Variants in RAPGEF5 observed in about 807,000 individuals in gnomAD.
RAPGEF5 encodes the protein Rap guanine nucleotide exchange factor 5.
RAPGEF5 carries 65 observed loss-of-function variants against 125.2 expected under a neutral mutation model. The observed-to-expected ratio is 0.52, with a 90% CI of 0.43 to 0.64. The LOEUF is 0.64. RAPGEF5 is among the 30% of genes least tolerant of loss of function. The pLI is 0.00. For synonymous variants in RAPGEF5, 391 were observed against 385.9 expected (o/e 1.01, Z -0.16); for missense variants, 958 against 1,048.1 (o/e 0.91, Z 1.19).
Position 22,181,788 on chromosome 7 carries a change from T to C in RAPGEF5, c.1204+11579A>G, listed in dbSNP as rs1004328103. On this transcript the variant is annotated intron_variant, in intron 11 of 25. Coordinates refer to ENST00000665637, the MANE Select transcript of RAPGEF5 (RefSeq NM_012294.5). ...TGAATGAAAGAAAAGGTTTCAATTG[T>C]AGAGTAAGAAAGCCTGAGGCAGAAA... is the stretch of plus-strand genomic sequence containing the variant. 7.9e-5 allele frequency among the ~76,000 whole-genome samples: 12 copies of C among 152,178 alleles called. No individual in the cohort carries two copies. The South Asian group carries it at 2.3e-3, about 29-fold the overall frequency.
chr7:22,255,116 C>T (rs1351303210), intron 7 of RAPGEF5, among the ~76,000 whole-genome samples: 2 of 152,038 alleles, frequency 1.3e-5, no homozygotes, highest in Non-Finnish European at 2.9e-5. Flanking sequence ...CATATGCCCA[C>T]CCCAAATGCC....
rs1392972113 is a variant in RAPGEF5, at chr7:22,309,991, C to A, written c.489G>T (p.Leu163=). ...SMAIGVWQLL[L]DMGIMLSVDQ... ...AACCTGATAACATAATTCCCATGTC[C>A]AGTAGGAGTTGCCAGACTCCTATGG... The change falls in exon 4 of 26, where the codon CTG becomes CTT. Residue 163 remains leucine (L), a synonymous_variant. Coordinates refer to ENST00000665637, the MANE Select transcript of RAPGEF5 (RefSeq NM_012294.5). The A allele has an allele frequency of 6.3e-7, 1 of 1,590,528 alleles. No individual in the cohort carries two copies. Among genetic ancestry groups the A allele is most frequent in the Admixed American group, 1.8e-5 (1 of 54,424 alleles).
At chr7:22,134,684 A>C (rs1237477639) in intron 23 of RAPGEF5, among the ~76,000 whole-genome samples, 2 of 152,082 alleles carry the variant, frequency 1.3e-5, no homozygotes, top group African/African-American at 4.8e-5. Flanking sequence ...TATTGTCTTT[A>C]TTTGTGTCTA....
Position 22,142,253 on chromosome 7 carries a change from G to A in RAPGEF5, c.2187-2138C>T, listed in dbSNP as rs1165492336. Among the ~76,000 whole-genome samples the A allele has an allele frequency of 4.6e-5, 7 of 152,136 alleles. No individual in the cohort carries two copies. In the East Asian group the frequency reaches 5.8e-4, roughly 13 times the overall value. ...TAGGTTCCTTAAGGCTAGAGTATAC[G>A]TCTAATCATTTTTACATTCTGCCCA... On this transcript the variant is annotated intron_variant, in intron 20 of 25. Coordinates refer to ENST00000665637, the MANE Select transcript of RAPGEF5 (RefSeq NM_012294.5).
chr7:22,145,115 C>T lies in RAPGEF5; in HGVS notation c.2115G>A (p.Thr705=), dbSNP rs372204724. ...RCNEVQLWVA[T]EILLCSQLGK... ...CCAGCTGGCTGCAGAGCAGAATCTC[C>T]GTGGCCACCCAAAGCTGGACCTCAT... The change falls in exon 20 of 26, where the codon ACG becomes ACA. Residue 705 remains threonine (T), a synonymous_variant. Transcript: ENST00000665637. The T allele has an allele frequency of 5.3e-5, 86 of 1,613,870 alleles. 1 individual carries two copies. The highest frequency in any genetic ancestry group is 2.7e-4 in the Admixed American group (16 of 60,004).
chr7:22,254,730 G>T (rs922392447), intron 7 of RAPGEF5, among the ~76,000 whole-genome samples: 27 of 152,104 alleles, frequency 1.8e-4, no homozygotes, highest in Non-Finnish European at 2.9e-5. Context: ...GGAGAGGAAG[G>T]GGGAGATGGG....
rs117906406 is a variant in RAPGEF5 at position 22,192,941 on chromosome 7, G to A, written c.1204+426C>T. 125 of 198,884 alleles carry A rather than the reference G, an allele frequency of 6.3e-4. 2 individuals carry two copies. Among genetic ancestry groups the A allele is most frequent in the Admixed American group, 4.6e-3 (87 of 19,078 alleles). 12.3% of individuals were successfully genotyped at this position (198,884 alleles called of 1,614,324 possible). A position where few individuals can be genotyped will look rare whatever the true frequency, so the allele number is the denominator to read the frequency against. The stretch of plus-strand genomic sequence containing the variant: ...CTAAGCATGTAGCTGCTGAGTAGTT[G>A]CATTAATTGTTGACATTTCAGCACG... On this transcript the variant is annotated intron_variant, in intron 11 of 25. Coordinates refer to ENST00000665637, the MANE Select transcript of RAPGEF5 (RefSeq NM_012294.5).
At chr7:22,126,659 G>A (rs1370660200) in intron 24 of RAPGEF5, among the ~76,000 whole-genome samples, 1 of 152,156 alleles carries the variant, frequency 6.6e-6, no homozygotes, top group East Asian at 1.9e-4. Context: ...TGTCACCCAG[G>A]CTGGAGTGCA....
chr7:22,215,387 A>G (rs537609619), intron 9 of RAPGEF5, among the ~76,000 whole-genome samples: 2 of 152,334 alleles, frequency 1.3e-5, no homozygotes, highest in South Asian at 2.1e-4. Flanking sequence ...CTTCTGCCCT[A>G]TGAAAGAATC....
chr7:22,336,718 G>C (rs1311542985), intron 1 of RAPGEF5, among the ~76,000 whole-genome samples: 1 of 152,168 alleles, frequency 6.6e-6, no homozygotes, highest in East Asian at 1.9e-4. Flanking sequence ...GGTGGAACCT[G>C]GGATTCAATC....
chr7:22,242,947 C>CAAA (rs537954162), intron 7 of RAPGEF5, among the ~76,000 whole-genome samples: 3 of 65,736 alleles, frequency 4.6e-5, no homozygotes, highest in African/African-American at 1.4e-4. Context: ...AACTCCGTCT[C>CAAA]AAAAAAAAAA....
intron 20 of RAPGEF5, among the ~76,000 whole-genome samples, chr7:22,142,439 C>A (rs949000147): frequency 1.3e-5 from 2 of 152,022 alleles, no homozygotes; most frequent in Non-Finnish European, 2.9e-5. Context: ...CTTAGAATTC[C>A]TATCTTTTTA....
chr7:22,209,620 C>A (rs1262748653), intron 9 of RAPGEF5, among the ~76,000 whole-genome samples: 4 of 152,134 alleles, frequency 2.6e-5, no homozygotes, highest in Admixed American at 2.6e-4. Context: ...ACTGAATGAT[C>A]CCATTTATTT....
At chr7:22,154,839 A>G (rs138725578) in intron 16 of RAPGEF5, among the ~76,000 whole-genome samples, 1 of 152,318 alleles carries the variant, frequency 6.6e-6, no homozygotes, top group East Asian at 1.9e-4. Context: ...GCCAGCCAAC[A>G]AGCACAAGTA....
intron 1 of RAPGEF5, among the ~76,000 whole-genome samples, chr7:22,327,011 T>C (rs79967527): frequency 6.6e-6 from 1 of 152,334 alleles, no homozygotes; most frequent in Admixed American, 6.5e-5. Context: ...CATACCTTAA[T>C]AAAGTGGTTA....
chr7:22,176,691 G>T (rs1784519120), intron 11 of RAPGEF5, among the ~76,000 whole-genome samples: 1 of 151,978 alleles, frequency 6.6e-6, no homozygotes, highest in Non-Finnish European at 1.5e-5. Flanking sequence ...ACCATGCCCG[G>T]GTAATTTTTT....
chr7:22,333,983 T>C (rs1238349507), intron 1 of RAPGEF5, among the ~76,000 whole-genome samples: 2 of 147,366 alleles, frequency 1.4e-5, no homozygotes, highest in Non-Finnish European at 3.0e-5. Context: ...GGCTGCGCCG[T>C]TGTGCATGGG....
At chr7:22,304,671 C>T (rs911272641) in intron 5 of RAPGEF5, among the ~76,000 whole-genome samples, 1 of 152,116 alleles carries the variant, frequency 6.6e-6, no homozygotes, top group African/African-American at 2.4e-5. Flanking sequence ...TGCACACCTC[C>T]ATCTTGTGTG....
At chr7:22,298,888 T>A (rs2128149613) in intron 5 of RAPGEF5, among the ~76,000 whole-genome samples, 1 of 152,314 alleles carries the variant, frequency 6.6e-6, no homozygotes, top group East Asian at 1.9e-4. Flanking sequence ...AAATTAATGA[T>A]CACATAGTTG....
Sources: allele counts gnomAD v4.1 joint callset (sites outside exome capture counted in the v4.1 genomes callset), GRCh38; gene constraint gnomAD v4.1.1; transcripts MANE v1.5; gene names NCBI Gene and HGNC (gene_info 2026-07-23, HGNC 2026-07-21).